Variants in RBFOX1 observed in about 807,000 individuals in gnomAD.
The protein encoded by RBFOX1 is RNA binding protein fox-1 homolog 1.
RBFOX1 carries 8 observed loss-of-function variants against 57.7 expected under a neutral mutation model. That is an observed-to-expected ratio of 0.14 (90% CI 0.08 to 0.25). RBFOX1 has a LOEUF of 0.25. RBFOX1 is among the 10% of genes least tolerant of loss of function. The pLI is 1.00. For missense variants in RBFOX1, 611 were observed against 548.5 expected (o/e 1.11, Z -1.14); for synonymous variants, 326 against 222.4 (o/e 1.47, Z -4.15).
chr16:6,512,953 G>C (rs1397108401), intron 2 of RBFOX1, among the ~76,000 whole-genome samples: 3 of 152,138 alleles, frequency 2.0e-5, no homozygotes, highest in Non-Finnish European at 4.4e-5. Context: ...ATGAAGTTTT[G>C]TATTGGGATG....
chr16:5,518,507 C>T (rs1349859064), intron 2 of RBFOX1, among the ~76,000 whole-genome samples: 1 of 152,280 alleles, frequency 6.6e-6, no homozygotes, highest in Non-Finnish European at 1.5e-5. Context: ...GAAGGACAAA[C>T]TAATTAAGTG....
intron 3 of RBFOX1, among the ~76,000 whole-genome samples, chr16:5,734,689 T>C (rs1037114075): frequency 2.0e-5 from 3 of 152,164 alleles, no homozygotes; most frequent in African/African-American, 7.2e-5. Context: ...CACATTGCTA[T>C]TGGGCAGCAG....
intron 11 of RBFOX1, among the ~76,000 whole-genome samples, chr16:7,651,945 G>A (rs979084844): frequency 5.3e-5 from 8 of 152,264 alleles, no homozygotes; most frequent in African/African-American, 1.9e-4. Flanking sequence ...GGTTAGAGAA[G>A]CGAACTGAGC....
intron 3 of RBFOX1, among the ~76,000 whole-genome samples, chr16:5,865,811 C>G (rs535629173): frequency 6.2e-4 from 94 of 152,222 alleles, no homozygotes; most frequent in Non-Finnish European, 1.2e-3. Context: ...AAGGTACCAG[C>G]AGACTCGGTA....
chr16:6,631,253 G>C (rs1169026232), intron 2 of RBFOX1, among the ~76,000 whole-genome samples: 1 of 151,946 alleles, frequency 6.6e-6, no homozygotes, highest in Non-Finnish European at 1.5e-5. Context: ...ACAAGTAAAG[G>C]GATGGAATAA....
At chr16:7,664,896 T>G in intron 12 of RBFOX1, 33 bp from the exon 13 acceptor site, 1 of 1,613,886 alleles carries the variant, frequency 6.2e-7, no homozygotes, top group South Asian at 1.1e-5. Context: ...TGCACTAATA[T>G]GGATGTTTCT....
intron 3 of RBFOX1, among the ~76,000 whole-genome samples, chr16:7,006,138 C>T (rs899537280): frequency 2.6e-5 from 4 of 151,982 alleles, no homozygotes; most frequent in Non-Finnish European, 5.9e-5. Flanking sequence ...TACATAATGT[C>T]ATTAAATTTA....
At chr16:7,048,079 A>T (rs924080972) in intron 3 of RBFOX1, among the ~76,000 whole-genome samples, 2 of 152,114 alleles carry the variant, frequency 1.3e-5, no homozygotes, top group South Asian at 4.2e-4. Flanking sequence ...GGGTTTCACC[A>T]TGTTGGCCAG....
At chr16:7,196,007 C>G (rs183699109) in intron 4 of RBFOX1, among the ~76,000 whole-genome samples, 6 of 151,782 alleles carry the variant, frequency 4.0e-5, no homozygotes, top group African/African-American at 1.4e-4. Context: ...CAGGCTGTCA[C>G]CGTCTGAAAA....
intron 2 of RBFOX1, among the ~76,000 whole-genome samples, chr16:6,418,692 T>A (rs1033215390): frequency 1.5e-4 from 23 of 152,048 alleles, no homozygotes; most frequent in African/African-American, 5.3e-4. Context: ...CTGGCTAATT[T>A]AAGAAGTAAA....
At chr16:6,582,450 T>C (rs1306044041) in intron 2 of RBFOX1, among the ~76,000 whole-genome samples, 1 of 126,562 alleles carries the variant, frequency 7.9e-6, no homozygotes. Flanking sequence ...TTCCTTGAAA[T>C]GTTAGCGCCA....
intron 1 of RBFOX1, among the ~76,000 whole-genome samples, chr16:5,241,367 A>T (rs1485729440): frequency 6.6e-6 from 1 of 152,198 alleles, no homozygotes; most frequent in Non-Finnish European, 1.5e-5. Flanking sequence ...ATGAGACACA[A>T]TTACGGTGGC....
chr16:6,170,129 A>G (rs2096948975), intron 1 of RBFOX1, among the ~76,000 whole-genome samples: 2 of 152,164 alleles, frequency 1.3e-5, no homozygotes, highest in African/African-American at 4.8e-5. Flanking sequence ...TTCTCAGGCC[A>G]CATTTAGTTT....
chr16:5,278,690 T>C (rs1260226503), intron 1 of RBFOX1, among the ~76,000 whole-genome samples: 1 of 152,246 alleles, frequency 6.6e-6, no homozygotes, highest in African/African-American at 2.4e-5. Context: ...GAGTTTCTCC[T>C]GTGTTTACTT....
At chr16:7,575,216 C>G (rs1029871254) in intron 5 of RBFOX1, among the ~76,000 whole-genome samples, 1 of 152,060 alleles carries the variant, frequency 6.6e-6, no homozygotes, top group African/African-American at 2.4e-5. Flanking sequence ...CTCATTGTAA[C>G]CTCTGCCTCC....
At chr16:7,239,908 T>C (rs757604993) in intron 4 of RBFOX1, among the ~76,000 whole-genome samples, 3 of 152,194 alleles carry the variant, frequency 2.0e-5, no homozygotes, top group Non-Finnish European at 2.9e-5. Context: ...TTCTCATTGG[T>C]AGTTAGTATT....
intron 1 of RBFOX1, among the ~76,000 whole-genome samples, chr16:6,267,589 T>G (rs1164445183): frequency 1.3e-5 from 2 of 152,230 alleles, no homozygotes; most frequent in East Asian, 3.9e-4. Context: ...TTTTTTACCA[T>G]AAGTTTTTCT....
At chr16:6,604,261 C>A (rs557531597) in intron 2 of RBFOX1, among the ~76,000 whole-genome samples, 1 of 151,988 alleles carries the variant, frequency 6.6e-6, no homozygotes, top group African/African-American at 2.4e-5. Context: ...TCAAAGCCAT[C>A]AAAATGGCTA....
intron 2 of RBFOX1, among the ~76,000 whole-genome samples, chr16:5,537,293 A>G (rs2044738864): frequency 6.6e-6 from 1 of 152,206 alleles, no homozygotes; most frequent in Admixed American, 6.5e-5. Flanking sequence ...CCAATTCCAA[A>G]GCCAATTCCA....
Sources: allele counts gnomAD v4.1 joint callset (sites outside exome capture counted in the v4.1 genomes callset), GRCh38; gene constraint gnomAD v4.1.1; transcripts MANE v1.5; gene names NCBI Gene and HGNC (gene_info 2026-07-23, HGNC 2026-07-21).